Variants in VPS41 observed in about 807,000 individuals in gnomAD.
VPS41 encodes vacuolar protein sorting-associated protein 41 homolog.
In VPS41, 85 loss-of-function variants were observed where a neutral mutation model predicts 130.9. The observed-to-expected ratio is 0.65, with a 90% CI of 0.55 to 0.78. The LOEUF (loss-of-function observed/expected upper bound fraction) is 0.78. VPS41 is among the 30% of genes least tolerant of loss of function. The probability of loss-of-function intolerance (pLI) is 0.00; values close to 1 mark genes in which losing one functional copy is unlikely to be tolerated. For missense variants in VPS41, 874 were observed against 1,018.7 expected (o/e 0.86, Z 1.93); for synonymous variants, 335 against 332.9 (o/e 1.01, Z -0.07).
chr7:38,896,969 G>A (rs150403452), intron 2 of VPS41, among the ~76,000 whole-genome samples: 2,866 of 152,148 alleles, frequency 0.019, 33 homozygotes, highest in African/African-American at 0.035. Context: ...CAAGGCAGGC[G>A]GATCACCTGA....
intron 3 of VPS41, among the ~76,000 whole-genome samples, chr7:38,868,430 T>C (rs943940591): frequency 1.3e-5 from 2 of 152,258 alleles, no homozygotes; most frequent in Non-Finnish European, 2.9e-5. Flanking sequence ...GCTAGTAACA[T>C]AGGATAAAGC....
intron 11 of VPS41, chr7:38,775,665 A>G (rs894611672): frequency 2.6e-5 from 4 of 152,144 alleles, no homozygotes; most frequent in Non-Finnish European, 5.9e-5. Context: ...ACTTAAGTCT[A>G]TAGCATTTCA....
rs570751072 is a variant in VPS41, at chr7:38,743,826, T to C, written c.1982-284A>G. Among the ~76,000 whole-genome samples the C allele has an allele frequency of 6.6e-5, 10 of 152,320 alleles. No homozygotes were observed. The South Asian group carries it at 2.1e-3, about 32-fold the overall frequency. Reference sequence around the variant, plus strand: ...GCATGTTCTACTAATATTCCTCTTTTATAGAAGAGGAAATAGAAATGTTAG... The same window carrying C: ...GCATGTTCTACTAATATTCCTCTTTCATAGAAGAGGAAATAGAAATGTTAG... On this transcript the variant is annotated intron_variant, in intron 23 of 28. Coordinates refer to ENST00000310301, the MANE Select transcript of VPS41 (RefSeq NM_014396.4).
chr7:38,828,504 G>T (rs1785324188), intron 5 of VPS41, among the ~76,000 whole-genome samples: 1 of 151,994 alleles, frequency 6.6e-6, no homozygotes, highest in Non-Finnish European at 1.5e-5. Flanking sequence ...ATTTAAAGAT[G>T]CATTAGATTT....
chr7:38,797,988 G>A (rs1333814419), intron 7 of VPS41, among the ~76,000 whole-genome samples: 1 of 152,138 alleles, frequency 6.6e-6, no homozygotes, highest in Non-Finnish European at 1.5e-5. Flanking sequence ...ACTGGAGGCA[G>A]GGATTCTTCT....
At chr7:38,878,052 G>A (rs1786527288) in intron 2 of VPS41, among the ~76,000 whole-genome samples, 1 of 152,112 alleles carries the variant, frequency 6.6e-6, no homozygotes, top group African/African-American at 2.4e-5. Context: ...TCTTCCACAG[G>A]CTGAGACTCT....
rs1471660876 is a variant in VPS41 at position 38,722,982 on chromosome 7, A to G, written c.*3264T>C. The G allele has an allele frequency of 6.6e-6, 1 of 152,198 alleles. No individual in the cohort carries two copies. The highest frequency in any genetic ancestry group is 1.5e-5 in the Non-Finnish European group (1 of 68,042). The allele number at this position is 152,198 out of a possible 1,614,324, so 9.4% of individuals were successfully genotyped here. On this transcript the variant is annotated 3_prime_UTR_variant, in exon 29 of 29. Transcript: ENST00000310301. ...TAAATAGACCATTAACACATATTTT[A>G]TATTTTATTTATATTATATGCTATA...
At chr7:38,849,956 A>T (rs1249558948) in intron 4 of VPS41, among the ~76,000 whole-genome samples, 2 of 152,104 alleles carry the variant, frequency 1.3e-5, no homozygotes, top group Non-Finnish European at 2.9e-5. Context: ...GCAAAATACA[A>T]TTTTCCCTTA....
At chr7:38,847,248 T>G (rs1458386993) in intron 4 of VPS41, among the ~76,000 whole-genome samples, 1 of 152,032 alleles carries the variant, frequency 6.6e-6, no homozygotes, top group Non-Finnish European at 1.5e-5. Flanking sequence ...AATGATAATT[T>G]AGCCTAGAAA....
chr7:38,728,488 T>C (rs892931615), intron 27 of VPS41, 54 bp downstream of exon 27: 5 of 1,599,834 alleles, frequency 3.1e-6, no homozygotes, highest in Non-Finnish European at 4.3e-6. Context: ...AAATTTTGAT[T>C]CCACTCATCA....
Position 38,724,946 on chromosome 7 carries a change from C to T in VPS41, c.*1300G>A, listed in dbSNP as rs1373153875. On this transcript the variant is annotated 3_prime_UTR_variant, in exon 29 of 29. Coordinates refer to ENST00000310301, the MANE Select transcript of VPS41 (RefSeq NM_014396.4). ...GCCCTGCTCTGAAGTTAGGCAGTCA[C>T]CTCTGTGACCTCAACAACATCTCTA... 2 of 152,192 alleles carry T rather than the reference C, an allele frequency of 1.3e-5. No homozygotes were observed. The highest frequency in any genetic ancestry group is 4.8e-5 in the African/African-American group (2 of 41,438). The allele number at this position is 152,192 out of a possible 1,614,324, so 9.4% of individuals were successfully genotyped here.
At chr7:38,754,231 T>C (rs920338040) in intron 21 of VPS41, among the ~76,000 whole-genome samples, 1 of 152,184 alleles carries the variant, frequency 6.6e-6, no homozygotes, top group African/African-American at 2.4e-5. Flanking sequence ...GGTCTGGATA[T>C]GGAATGGTTG....
rs756262597 is a variant in VPS41 at position 38,817,850 on chromosome 7, G to A, written c.417C>T (p.Ser139=). The A allele has an allele frequency of 1.2e-6, 2 of 1,614,056 alleles. No homozygotes were observed. ...CTCCGGTCACAAACTGCTTGCAACTGGATCTCACGAAATGTGGGTGCACAG... is the reference window on the plus strand; with the variant it reads ...CTCCGGTCACAAACTGCTTGCAACTAGATCTCACGAAATGTGGGTGCACAG... ...IIAVHPHFVR[S]SCKQFVTGGK... The change falls in exon 7 of 29, where the codon TCC becomes TCT. Residue 139 remains serine, a synonymous_variant. Transcript: ENST00000310301.
intron 6 of VPS41, among the ~76,000 whole-genome samples, chr7:38,818,539 G>GT (rs1004906784): frequency 6.6e-6 from 1 of 152,148 alleles, no homozygotes; most frequent in Admixed American, 6.5e-5. Context: ...CCTTGTTACT[G>GT]TTTCCTTCAT....
At chr7:38,769,422 G>A (rs1176862660) in intron 14 of VPS41, among the ~76,000 whole-genome samples, 1 of 152,224 alleles carries the variant, frequency 6.6e-6, no homozygotes, top group African/African-American at 2.4e-5. Flanking sequence ...AGTCAGTAGT[G>A]CTAATAGGAC....
intron 25 of VPS41, among the ~76,000 whole-genome samples, chr7:38,733,390 C>A (rs1036406997): frequency 6.6e-6 from 1 of 152,086 alleles, no homozygotes; most frequent in African/African-American, 2.4e-5. Flanking sequence ...TTGTTTTTTA[C>A]GGTTATGCTG....
At chr7:38,790,341 CAATTT>C (rs1784513292) in intron 9 of VPS41, among the ~76,000 whole-genome samples, 2 of 152,096 alleles carry the variant, frequency 1.3e-5, no homozygotes, top group African/African-American at 4.8e-5. Context: ...ATTAACCTAA[CAATTT>C]AATACAAGTA....
In VPS41 at chr7:38,742,672, G is replaced by A. The variant is rs1481571375; in HGVS notation, c.2123-551C>T. 1.3e-5 allele frequency among the ~76,000 whole-genome samples: 2 copies of A among 151,304 alleles called. 1 individual carries two copies. The highest frequency in any genetic ancestry group is 6.3e-3 in the Middle Eastern group (2 of 316). On this transcript the variant is annotated intron_variant, in intron 24 of 28. Coordinates refer to ENST00000310301, the MANE Select transcript of VPS41 (RefSeq NM_014396.4). ...TACTACTTTATCTTGCTAGTTACAA[G>A]TGAGATTCTTTATATTGTCAAGAGG... is the stretch of plus-strand genomic sequence containing the variant.
At chr7:38,730,219 T>C (rs973218659) in intron 25 of VPS41, among the ~76,000 whole-genome samples, 1 of 152,206 alleles carries the variant, frequency 6.6e-6, no homozygotes, top group Non-Finnish European at 1.5e-5. Context: ...CACTCTCGAC[T>C]TGACAAGCTA....
Sources: gnomAD v4.1 joint callset for allele counts (sites outside exome capture counted in the v4.1 genomes callset) on GRCh38, gnomAD v4.1.1 for gene constraint, MANE v1.5 for transcripts, NCBI Gene and HGNC (gene_info 2026-07-23, HGNC 2026-07-21) for gene names.